Variants in KLF12 observed in about 807,000 individuals in gnomAD.
KLF12 encodes Krueppel-like factor 12.
KLF12 carries 9 observed loss-of-function variants against 37.8 expected under a neutral mutation model. The observed-to-expected ratio is 0.24, with a 90% CI of 0.14 to 0.42. The LOEUF is 0.42. Among genes scored for constraint, KLF12 ranks in the 10% least tolerant of loss-of-function variants. KLF12 has a pLI of 1.00. For missense variants in KLF12, 411 were observed against 516.0 expected (o/e 0.80, Z 1.97); for synonymous variants, 208 against 202.1 (o/e 1.03, Z -0.25).
intron 2 of KLF12, among the ~76,000 whole-genome samples, chr13:73,985,023 G>A (rs1367582917): frequency 6.3e-5 from 1 of 15,752 alleles, no homozygotes; most frequent in Non-Finnish European, 2.5e-3. Flanking sequence ...CTTCTGCCTG[G>A]TGTTATCCCC....
At chr13:73,701,525 GACTTT>G (rs147153104) in intron 7 of KLF12, among the ~76,000 whole-genome samples, 50 of 152,162 alleles carry the variant, frequency 3.3e-4, no homozygotes, top group East Asian at 9.6e-4. Context: ...CTAAAGTTTT[GACTTT>G]ACTTTGATTT....
At chr13:73,778,521 CGTTA>C (rs930447948) in intron 5 of KLF12, among the ~76,000 whole-genome samples, 1 of 152,028 alleles carries the variant, frequency 6.6e-6, no homozygotes, top group Non-Finnish European at 1.5e-5. Context: ...CACCACGCCC[CGTTA>C]GTTATTTTAT....
intron 3 of KLF12, among the ~76,000 whole-genome samples, chr13:73,893,759 G>T (rs147579438): frequency 1.3e-5 from 2 of 152,216 alleles, no homozygotes; most frequent in East Asian, 3.9e-4. Context: ...AAATGTGCTT[G>T]TATAATTCAC....
chr13:73,886,964 C>G (rs1463690455), intron 3 of KLF12, among the ~76,000 whole-genome samples: 5 of 149,320 alleles, frequency 3.3e-5, no homozygotes, highest in Admixed American at 3.3e-4. Context: ...TGTACTCCAG[C>G]CTGGGCAACA....
the KLF12 span, among the ~76,000 whole-genome samples, chr13:74,193,080 G>T: frequency 1.4e-4 from 21 of 150,744 alleles, no homozygotes; most frequent in Non-Finnish European, 2.1e-4. Flanking sequence ...CCGGGTTCAA[G>T]AAATTCTCCT....
At chr13:73,919,493 T>C (rs531516626) in intron 3 of KLF12, among the ~76,000 whole-genome samples, 13 of 152,258 alleles carry the variant, frequency 8.5e-5, no homozygotes, top group Admixed American at 5.9e-4. Flanking sequence ...CTAGAATAGA[T>C]AGAAAACAAA....
intron 3 of KLF12, among the ~76,000 whole-genome samples, chr13:73,874,457 T>G (rs1886611186): frequency 6.6e-6 from 1 of 152,196 alleles, no homozygotes; most frequent in Admixed American, 6.5e-5. Flanking sequence ...CCATGTAAAG[T>G]AAATCACATG....
At chr13:74,154,233 CA>C in the KLF12 span, among the ~76,000 whole-genome samples, 7 of 148,530 alleles carry the variant, frequency 4.7e-5, no homozygotes, top group African/African-American at 1.7e-4. Context: ...GACTCCATCT[CA>C]AAAAAAAAAT....
intron 1 of KLF12, among the ~76,000 whole-genome samples, chr13:74,132,135 G>A (rs559585618): frequency 6.6e-6 from 1 of 152,156 alleles, no homozygotes; most frequent in East Asian, 1.9e-4. Flanking sequence ...TGAGGGAGGG[G>A]GGGTCCACTG....
At chr13:73,862,734 G>A (rs1000675602) in intron 3 of KLF12, among the ~76,000 whole-genome samples, 4 of 152,104 alleles carry the variant, frequency 2.6e-5, no homozygotes, top group South Asian at 2.1e-4. Context: ...ACAACTGTAC[G>A]TTATTCAATT....
In KLF12 at chr13:74,060,229, T is replaced by A. The variant is rs144604838; in HGVS notation, c.-31-65176A>T. Among the ~76,000 whole-genome samples, 870 of 152,270 alleles carry A rather than the reference T, an allele frequency of 5.7e-3. 3 individuals carry two copies. Among genetic ancestry groups the A allele is most frequent in the Admixed American group, 9.2e-3 (141 of 15,292 alleles). On this transcript the variant is annotated intron_variant, in intron 1 of 7. Coordinates refer to ENST00000377669, the MANE Select transcript of KLF12 (RefSeq NM_007249.5). The stretch of plus-strand genomic sequence containing the variant: ...CTTTGCTCTTTTTGGTTAGGATTGT[T>A]TTGGTTGCTCGTGGTCTTTTTTGTT...
chr13:74,131,240 T>A (rs1435939743), intron 1 of KLF12, among the ~76,000 whole-genome samples: 3 of 152,236 alleles, frequency 2.0e-5, no homozygotes, highest in African/African-American at 7.2e-5. Flanking sequence ...AGTGCATACT[T>A]TCCCTGAACA....
intron 1 of KLF12, among the ~76,000 whole-genome samples, chr13:74,082,657 A>G (rs1336801239): frequency 1.3e-5 from 2 of 152,210 alleles, no homozygotes; most frequent in Non-Finnish European, 2.9e-5. Flanking sequence ...ATATTTTTGT[A>G]TAAGATGAGT....
rs1208964816 is a variant in KLF12, at chr13:74,051,302, G to T, written c.-31-56249C>A. Among the ~76,000 whole-genome samples, 4 of 146,564 alleles carry T rather than the reference G, an allele frequency of 2.7e-5. No homozygotes were observed. In the East Asian group the frequency reaches 8.1e-4, roughly 30 times the overall value. ...GCTAACTGTCCATCAATGGATGAAT[G>T]GATAAAGAAAATGTGGTGTGTGTAT... is the stretch of plus-strand genomic sequence containing the variant. On this transcript the variant is annotated intron_variant, in intron 1 of 7. Coordinates refer to ENST00000377669, the MANE Select transcript of KLF12 (RefSeq NM_007249.5).
chr13:73,769,272 C>A (rs1880123274), intron 5 of KLF12, among the ~76,000 whole-genome samples: 1 of 152,190 alleles, frequency 6.6e-6, no homozygotes, highest in Non-Finnish European at 1.5e-5. Flanking sequence ...TTGGTATCCA[C>A]ACCGCTCTGA....
At chr13:73,942,756 C>T (rs1279605872) in intron 3 of KLF12, among the ~76,000 whole-genome samples, 1 of 152,156 alleles carries the variant, frequency 6.6e-6, no homozygotes, top group African/African-American at 2.4e-5. Context: ...TATTGGTTGA[C>T]ATACTCCACA....
At chr13:74,298,608 G>T in the KLF12 span, among the ~76,000 whole-genome samples, 1 of 152,120 alleles carries the variant, frequency 6.6e-6, no homozygotes, top group Non-Finnish European at 1.5e-5. Context: ...GGCTAAAATG[G>T]CAGGGTTTTA....
chr13:74,099,468 C>T (rs548183804), intron 1 of KLF12, among the ~76,000 whole-genome samples: 16 of 152,298 alleles, frequency 1.1e-4, no homozygotes, highest in East Asian at 5.8e-4. Flanking sequence ...CCTCCAACCA[C>T]GAGAAGAACA....
chr13:74,086,388 G>A (rs894813664), intron 1 of KLF12, among the ~76,000 whole-genome samples: 10 of 150,758 alleles, frequency 6.6e-5, no homozygotes, highest in South Asian at 2.1e-4. Flanking sequence ...TTGTCCTTGC[G>A]ATAGTTTGCT....
Sources: gnomAD v4.1 joint callset for allele counts (sites outside exome capture counted in the v4.1 genomes callset) on GRCh38, gnomAD v4.1.1 for gene constraint, MANE v1.5 for transcripts, NCBI Gene and HGNC (gene_info 2026-07-23, HGNC 2026-07-21) for gene names.